Variants in SLC6A20 observed in about 807,000 individuals in gnomAD.
SLC6A20 encodes sodium- and chloride-dependent transporter XTRP3.
A neutral mutation model predicts 64.3 loss-of-function variants in SLC6A20; 73 were observed. The observed-to-expected ratio is 1.14, with a 90% CI of 0.94 to 1.38. The LOEUF is 1.38. SLC6A20 is among the 40% of genes most tolerant of loss of function. The pLI is 0.00. For missense variants in SLC6A20, 725 were observed against 772.8 expected (o/e 0.94, Z 0.73); for synonymous variants, 347 against 329.6 (o/e 1.05, Z -0.57).
Position 45,759,954 on chromosome 3 carries a change from C to T in SLC6A20, c.1532G>A (p.Gly511Asp). 1.9e-6 allele frequency: 3 copies of T among 1,614,176 alleles called. No homozygotes were observed. Among genetic ancestry groups the T allele is most frequent in the South Asian group, 2.2e-5 (2 of 91,080 alleles). The change falls in exon 10 of 11, where the codon GGC (glycine) becomes GAC (aspartate). Residue 511 changes from glycine to aspartate, a missense_variant. By Grantham distance (94) the Gly-to-Asp change is moderately conservative (BLOSUM62 -1). Coordinates refer to ENST00000358525, the MANE Select transcript of SLC6A20 (RefSeq NM_020208.4). ...VSWYWKVMWAGVSPLLIVSLF... is the reference protein window; with the variant it reads ...VSWYWKVMWADVSPLLIVSLF... ...GCTGACAATCAGCAGTGGGCTTACG[C>T]CAGCCCACATCACCTTCCAGTACCA... is the stretch of plus-strand genomic sequence containing the variant.
intron 3 of SLC6A20, 46 bp from the exon 4 acceptor site, chr3:45,776,034 A>G: frequency 6.3e-7 from 1 of 1,587,230 alleles, no homozygotes; most frequent in Non-Finnish European, 8.6e-7. Context: ...AAGGCTGAGG[A>G]CAAAGGCTGT....
At chr3:45,778,900 C>T (rs974587010) in intron 3 of SLC6A20, among the ~76,000 whole-genome samples, 1 of 152,222 alleles carries the variant, frequency 6.6e-6, no homozygotes, top group African/African-American at 2.4e-5. Context: ...GCTCAGGTTA[C>T]AGCTTTCTTG....
chr3:45,781,429 T>C (rs1388531741), intron 2 of SLC6A20, among the ~76,000 whole-genome samples: 1 of 152,174 alleles, frequency 6.6e-6, no homozygotes, highest in Non-Finnish European at 1.5e-5. Context: ...CTATGGCTAC[T>C]TCTGGTCAGG....
Position 45,763,078 on chromosome 3 carries a change from G to C in SLC6A20, c.1304-6C>G. The C allele has an allele frequency of 6.2e-7, 1 of 1,613,842 alleles. No individual in the cohort carries two copies. The highest frequency in any genetic ancestry group is 8.5e-7 in the Non-Finnish European group (1 of 1,179,970). On this transcript the variant is annotated splice_polypyrimidine_tract_variant and splice_region_variant and intron_variant, in intron 8 of 10. Coordinates refer to ENST00000358525, the MANE Select transcript of SLC6A20 (RefSeq NM_020208.4). ...GTTGACAAGGCACACCAGACCTGGG[G>C]GCCACAAGACCAGCTGCTCACCTGC... is the stretch of plus-strand genomic sequence containing the variant.
intron 3 of SLC6A20, among the ~76,000 whole-genome samples, chr3:45,779,093 C>A (rs1267745499): frequency 1.3e-5 from 2 of 152,236 alleles, no homozygotes; most frequent in Non-Finnish European, 2.9e-5. Flanking sequence ...CCAGCCCTAT[C>A]TTGCTTGCGG....
Position 45,796,371 on chromosome 3 carries a change from C to G in SLC6A20, c.49G>C (p.Ala17Pro), listed in dbSNP as rs1326738005. The part of the protein sequence containing the change: ...LWANSLQFVF[A>P]CISYAVGLGN... ...AGGCCCACGGCGTACGAGATGCAGG[C>G]GAACACGAACTGTAGCGAGTTGGCC... is the stretch of plus-strand genomic sequence containing the variant. The change falls in exon 1 of 11, where the codon GCC becomes CCC. Residue 17 changes from alanine (A) to proline (P), a missense_variant. Coordinates refer to ENST00000358525, the MANE Select transcript of SLC6A20 (RefSeq NM_020208.4). The G allele has an allele frequency of 6.2e-6, 10 of 1,613,016 alleles. No individual in the cohort carries two copies. Among genetic ancestry groups the G allele is most frequent in the Non-Finnish European group, 7.6e-6 (9 of 1,179,698 alleles).
In SLC6A20 at chr3:45,771,697, T is replaced by TGTGGAGGACATAAGGTGCTAC. The variant is rs1197289330; in HGVS notation, c.694-260_694-240dup. ...GGTGCTGTGGAGAATACAGGTGCTA[T>TGTGGAGGACATAAGGTGCTAC]GTGGAGGACATAAGGTGCTACGTAT... is the stretch of plus-strand genomic sequence containing the variant. On this transcript the variant is annotated intron_variant, in intron 5 of 10. Coordinates refer to ENST00000358525, the MANE Select transcript of SLC6A20 (RefSeq NM_020208.4). 39 of 622,536 alleles carry TGTGGAGGACATAAGGTGCTAC rather than the reference T, an allele frequency of 6.3e-5. No homozygotes were observed. The African/African-American group carries it at 6.4e-4, about 10-fold the overall frequency. 38.6% of individuals were successfully genotyped at this position (622,536 alleles called of 1,614,324 possible).
At chr3:45,763,158 G>T in intron 8 of SLC6A20, 86 bp from the exon 9 acceptor site, 1 of 1,559,828 alleles carries the variant, frequency 6.4e-7, no homozygotes. Context: ...GGGGTCGTCG[G>T]CCCTCAGGGA....
intron 4 of SLC6A20, among the ~76,000 whole-genome samples, chr3:45,775,132 G>A (rs945043859): frequency 2.0e-5 from 3 of 152,222 alleles, no homozygotes; most frequent in Admixed American, 6.5e-5. Context: ...CCCAGTGAAA[G>A]TGTGAGCCTT....
At chr3:45,773,938 A>G (rs1232291578) in intron 4 of SLC6A20, among the ~76,000 whole-genome samples, 2 of 152,272 alleles carry the variant, frequency 1.3e-5, no homozygotes, top group African/African-American at 2.4e-5. Flanking sequence ...ATCCATCACA[A>G]TGGGCACTAA....
At chr3:45,780,121 G>T (rs190514976) in intron 2 of SLC6A20, 21 bp from the exon 3 acceptor site, 4 of 1,566,770 alleles carry the variant, frequency 2.6e-6, no homozygotes, top group Non-Finnish European at 2.6e-6. Flanking sequence ...GCAGAGGGCC[G>T]CGCTGAGGAC....
intron 4 of SLC6A20, among the ~76,000 whole-genome samples, chr3:45,773,654 A>G (rs1267775370): frequency 6.6e-6 from 1 of 152,030 alleles, no homozygotes; most frequent in African/African-American, 2.4e-5. Flanking sequence ...TGTGAGAAAT[A>G]TGGCTGGTGG....
intron 1 of SLC6A20, among the ~76,000 whole-genome samples, chr3:45,792,368 T>C (rs1045090669): frequency 6.6e-6 from 1 of 152,230 alleles, no homozygotes; most frequent in African/African-American, 2.4e-5. Flanking sequence ...TCTCTCTGAC[T>C]TGTTTCCTAT....
intron 1 of SLC6A20, among the ~76,000 whole-genome samples, chr3:45,792,155 G>A (rs1008485024): frequency 1.3e-5 from 2 of 152,158 alleles, no homozygotes; most frequent in Non-Finnish European, 2.9e-5. Flanking sequence ...CAATGTCAAG[G>A]TGAGCCATGG....
intron 1 of SLC6A20, among the ~76,000 whole-genome samples, chr3:45,793,436 A>T (rs560378229): frequency 1.3e-5 from 2 of 151,738 alleles, no homozygotes; most frequent in Admixed American, 6.6e-5. Context: ...GTTGCCCAAG[A>T]CCTGCTGACT....
chr3:45,782,670 T>A (rs1208809596), intron 1 of SLC6A20, among the ~76,000 whole-genome samples: 1 of 146,510 alleles, frequency 6.8e-6, no homozygotes, highest in African/African-American at 2.6e-5. Flanking sequence ...CAACCATCCA[T>A]CCATCCTTCC....
intron 3 of SLC6A20, among the ~76,000 whole-genome samples, chr3:45,777,342 T>C (rs1699986468): frequency 6.6e-6 from 1 of 152,098 alleles, no homozygotes; most frequent in African/African-American, 2.4e-5. Context: ...CAGGCCACCC[T>C]AGCCTATTGG....
At chr3:45,773,266 C>T (rs1699908193) in intron 4 of SLC6A20, among the ~76,000 whole-genome samples, 1 of 152,204 alleles carries the variant, frequency 6.6e-6, no homozygotes, top group Non-Finnish European at 1.5e-5. Context: ...ATAATAAACA[C>T]AATAGGAAAT....
At chr3:45,787,724 C>T (rs1228176222) in intron 1 of SLC6A20, among the ~76,000 whole-genome samples, 2 of 152,158 alleles carry the variant, frequency 1.3e-5, no homozygotes, top group East Asian at 1.9e-4. Flanking sequence ...ACTGCTCTGT[C>T]CACACCTCCA....
Sources: allele counts gnomAD v4.1 joint callset (sites outside exome capture counted in the v4.1 genomes callset), GRCh38; gene constraint gnomAD v4.1.1; transcripts MANE v1.5; gene names NCBI Gene and HGNC (gene_info 2026-07-23, HGNC 2026-07-21).